GLDN: variants seen among roughly 807,000 people sequenced by gnomAD.
GLDN encodes gliomedin, also known as collomin.
In GLDN, 47 loss-of-function variants were observed where a neutral mutation model predicts 56.5. The ratio of observed to expected loss-of-function variants is 0.83; its 90% CI spans 0.66 to 1.06. The LOEUF is 1.06. GLDN is among the 50% of genes least tolerant of loss of function. The pLI, the probability that GLDN is intolerant of heterozygous loss-of-function variation, is 0.00. For missense variants in GLDN, 782 were observed against 714.3 expected (o/e 1.09, Z -1.08); for synonymous variants, 332 against 278.8 (o/e 1.19, Z -1.90).
At chr15:51,377,876 G>C (rs987986781) in intron 2 of GLDN, among the ~76,000 whole-genome samples, 1 of 152,238 alleles carries the variant, frequency 6.6e-6, no homozygotes, top group African/African-American at 2.4e-5. Context: ...TTGGCCAGGT[G>C]TGGTGGCCCA....
At chr15:51,378,650 G>A (rs1199922279) in intron 2 of GLDN, among the ~76,000 whole-genome samples, 1 of 152,230 alleles carries the variant, frequency 6.6e-6, no homozygotes, top group Non-Finnish European at 1.5e-5. Flanking sequence ...AGTGGGTTGA[G>A]TAGGTTTTTC....
chr15:51,390,883 C>T (rs1202418625), intron 4 of GLDN, among the ~76,000 whole-genome samples: 1 of 152,200 alleles, frequency 6.6e-6, no homozygotes, highest in Admixed American at 6.5e-5. Flanking sequence ...GGGTCCAGAT[C>T]ACATAGTGTC....
In GLDN at chr15:51,387,553, C is replaced by T. The variant is rs550781639; in HGVS notation, c.541+3661C>T. Among the ~76,000 whole-genome samples the T allele has an allele frequency of 2.6e-5, 4 of 152,256 alleles. 1 individual carries two copies. In the South Asian group the frequency reaches 6.2e-4, roughly 24 times the overall value. ...CCAGAGCTTTTGGATGAGCAGCCAG[C>T]TCCCAGGATGGCACTGCAGGTCCTC... On this transcript the variant is annotated intron_variant, in intron 4 of 9. Coordinates refer to ENST00000335449, the MANE Select transcript of GLDN (RefSeq NM_181789.4).
intron 4 of GLDN, among the ~76,000 whole-genome samples, chr15:51,389,188 T>G (rs1316114393): frequency 1.3e-5 from 2 of 152,170 alleles, no homozygotes; most frequent in African/African-American, 4.8e-5. Flanking sequence ...CTAATATGGT[T>G]TCTGGTTTTA....
chr15:51,412,214 T>C (rs1006303370), downstream of GLDN, among the ~76,000 whole-genome samples: 5 of 152,220 alleles, frequency 3.3e-5, no homozygotes, highest in African/African-American at 4.8e-5. Context: ...AGTGGTGAAG[T>C]TGGGATTCAA....
chr15:51,401,520 C>T, intron 8 of GLDN, 73 bp from the exon 9 acceptor site: 3 of 1,411,936 alleles, frequency 2.1e-6, no homozygotes, highest in Non-Finnish European at 2.0e-6. Context: ...TTTGAAATTC[C>T]TCCCAAGGAC....
chr15:51,367,093 C>G (rs2037419876), intron 1 of GLDN, among the ~76,000 whole-genome samples: 1 of 152,162 alleles, frequency 6.6e-6, no homozygotes, highest in Non-Finnish European at 1.5e-5. Flanking sequence ...GGGAACCTGT[C>G]CAGGATCTTG....
At position 51,399,179 on chromosome 15, in the gene GLDN, C is replaced by T. The variant is rs540475171; in HGVS notation, c.818-1013C>T. On this transcript the variant is annotated intron_variant, in intron 6 of 9. Transcript: ENST00000335449. ...CCCATGGGAAGTTGTAACAGATCCC[C>T]GACACCACTCTCATCAGGTGACAGA... Among the ~76,000 whole-genome samples, 23 of 152,248 alleles carry T rather than the reference C, an allele frequency of 1.5e-4. No individual in the cohort carries two copies. In the East Asian group the frequency reaches 3.3e-3, roughly 22 times the overall value.
At position 51,404,298 on chromosome 15, in the gene GLDN, A is replaced by T. The variant is rs1022187353; in HGVS notation, c.1200A>T (p.Thr400=). ...TCAGATTTGAATTTGGCCAGGAAAC[A>T]TCCCAAACTCTGAAGCTTGAAAATG... ...TLVRFEFGQE[T]SQTLKLENAL... Residue 400 remains threonine (T), a synonymous_variant, in exon 10 of 10, where the codon ACA becomes ACT. Coordinates refer to ENST00000335449, the MANE Select transcript of GLDN (RefSeq NM_181789.4). The T allele has an allele frequency of 1.3e-6, 2 of 1,597,378 alleles. No homozygotes were observed. The highest frequency in any genetic ancestry group is 2.7e-5 in the African/African-American group (2 of 74,106).
intron 2 of GLDN, among the ~76,000 whole-genome samples, chr15:51,379,854 T>C (rs1219359968): frequency 6.6e-6 from 1 of 152,164 alleles, no homozygotes; most frequent in Non-Finnish European, 1.5e-5. Context: ...GAAAAAGGCT[T>C]TCTTCTTTCT....
chr15:51,351,484 A>T (rs1218888584), intron 1 of GLDN, among the ~76,000 whole-genome samples: 1 of 152,174 alleles, frequency 6.6e-6, no homozygotes, highest in Non-Finnish European at 1.5e-5. Flanking sequence ...ATTATTTAGT[A>T]GCTCTGCCCA....
intron 4 of GLDN, among the ~76,000 whole-genome samples, chr15:51,390,536 A>G (rs367967367): frequency 4.6e-5 from 7 of 152,326 alleles, no homozygotes; most frequent in Middle Eastern, 3.4e-3. Flanking sequence ...ATCTTCTCTA[A>G]AAGTGAAATT....
At chr15:51,378,725 G>A (rs2037690871) in intron 2 of GLDN, among the ~76,000 whole-genome samples, 1 of 152,164 alleles carries the variant, frequency 6.6e-6, no homozygotes, top group African/African-American at 2.4e-5. Flanking sequence ...TTGAAATTGG[G>A]CCTCCTTTTG....
intron 6 of GLDN, among the ~76,000 whole-genome samples, chr15:51,399,294 C>A (rs1056547959): frequency 1.5e-4 from 23 of 152,278 alleles, no homozygotes; most frequent in Non-Finnish European, 2.4e-4. Flanking sequence ...GATAAAGGAG[C>A]CCTTCAGATT....
chr15:51,396,998 T>G (rs2445750), intron 5 of GLDN, among the ~76,000 whole-genome samples: 3 of 151,802 alleles, frequency 2.0e-5, no homozygotes, highest in African/African-American at 7.3e-5. Flanking sequence ...TGTTCCTCCA[T>G]GCTGCTGACC....
intron 2 of GLDN, among the ~76,000 whole-genome samples, chr15:51,381,638 C>G (rs545526075): frequency 6.6e-6 from 1 of 152,154 alleles, no homozygotes; most frequent in African/African-American, 2.4e-5. Context: ...GCCTCCTACC[C>G]AATCAGATGT....
chr15:51,374,248 C>A (rs1035853215), intron 1 of GLDN, among the ~76,000 whole-genome samples: 1 of 152,176 alleles, frequency 6.6e-6, no homozygotes, highest in Non-Finnish European at 1.5e-5. Flanking sequence ...TGTTTCCAAC[C>A]ACCCCTTCTG....
chr15:51,351,774 T>C (rs2037080688), intron 1 of GLDN, among the ~76,000 whole-genome samples: 1 of 152,162 alleles, frequency 6.6e-6, no homozygotes, highest in Non-Finnish European at 1.5e-5. Context: ...AAGTATGTGG[T>C]GGTGGTAAGC....
At chr15:51,382,806 T>C (rs1373845712) in intron 2 of GLDN, among the ~76,000 whole-genome samples, 1 of 152,098 alleles carries the variant, frequency 6.6e-6, no homozygotes, top group Non-Finnish European at 1.5e-5. Context: ...GTCTGAGTAC[T>C]CAAATAGAAT....
Sources: allele counts gnomAD v4.1 joint callset (sites outside exome capture counted in the v4.1 genomes callset), GRCh38; gene constraint gnomAD v4.1.1; transcripts MANE v1.5; gene names NCBI Gene and HGNC (gene_info 2026-07-23, HGNC 2026-07-21).